MAML2: variants seen among roughly 807,000 people sequenced by gnomAD.
MAML2 encodes mastermind like transcriptional coactivator 2.
MAML2 carries 22 observed loss-of-function variants against 96.1 expected under a neutral mutation model. The ratio of observed to expected loss-of-function variants is 0.23; its 90% CI spans 0.16 to 0.33. The LOEUF (loss-of-function observed/expected upper bound fraction) is 0.33, where lower values mean the gene tolerates loss of function less well. Among genes scored for constraint, MAML2 ranks in the 10% least tolerant of loss-of-function variants. MAML2 has a pLI of 1.00. For synonymous variants in MAML2, 561 were observed against 521.3 expected, an observed-to-expected ratio of 1.08 and a Z score of -1.04; for missense variants, 1,367 against 1,392.4, an observed-to-expected ratio of 0.98 and a Z score of 0.29.
Position 96,109,117 on chromosome 11 carries a change from T to C in MAML2, c.514-15600A>G, listed in dbSNP as rs546043242. ...GAAAATCCATGCTCTCTACAAAATGTATTCAGTAGAGGAAACATCCATTTC... is the reference window on the plus strand; with the variant it reads ...GAAAATCCATGCTCTCTACAAAATGCATTCAGTAGAGGAAACATCCATTTC... On this transcript the variant is annotated intron_variant, in intron 1 of 4. Transcript: ENST00000524717. Among the ~76,000 whole-genome samples the C allele has an allele frequency of 2.1e-3, 315 of 152,246 alleles. 7 individuals carry two copies. Among genetic ancestry groups the C allele is most frequent in the South Asian group, 0.017 (82 of 4,830 alleles).
chr11:96,124,940 T>G (rs16923111), intron 1 of MAML2, among the ~76,000 whole-genome samples: 1,628 of 152,338 alleles, frequency 0.011, 38 homozygotes, highest in African/African-American at 0.037. Flanking sequence ...TTTCCTCCTG[T>G]GTCATCCACT....
At chr11:95,985,732 T>C (rs1252797840) in intron 3 of MAML2, 90 bp from the exon 4 acceptor site, 4 of 798,796 alleles carry the variant, frequency 5.0e-6, no homozygotes, top group Non-Finnish European at 8.1e-6. Context: ...TTTCAGAAAA[T>C]ATAAGAACAA....
At chr11:96,025,426 A>G (rs1364500923) in intron 2 of MAML2, among the ~76,000 whole-genome samples, 2 of 152,168 alleles carry the variant, frequency 1.3e-5, no homozygotes, top group African/African-American at 4.8e-5. Context: ...CAAGCACTGA[A>G]ACACTACCTA....
At chr11:96,090,038 G>A (rs187877651) in intron 2 of MAML2, among the ~76,000 whole-genome samples, 15 of 59,162 alleles carry the variant, frequency 2.5e-4, no homozygotes, top group Admixed American at 1.4e-3. Context: ...TCCCTCATAC[G>A]GATGAAATGA....
At chr11:96,196,624 T>C (rs1384827520) in intron 1 of MAML2, among the ~76,000 whole-genome samples, 1 of 152,246 alleles carries the variant, frequency 6.6e-6, no homozygotes, top group Non-Finnish European at 1.5e-5. Context: ...CCCCTCCCCA[T>C]GCTGGTAGCA....
At chr11:96,059,750 T>C (rs74843945) in intron 2 of MAML2, among the ~76,000 whole-genome samples, 2,039 of 152,308 alleles carry the variant, frequency 0.013, 45 homozygotes, top group African/African-American at 0.046. Context: ...TGAAGCATTT[T>C]GAATTTTGGA....
At chr11:96,248,113 C>CTT (rs35775102) in intron 1 of MAML2, among the ~76,000 whole-genome samples, 3,638 of 132,168 alleles carry the variant, frequency 0.028, 81 homozygotes, top group East Asian at 0.039. Context: ...TGTTTTTTTA[C>CTT]TTTTTTTTTT....
intron 2 of MAML2, among the ~76,000 whole-genome samples, chr11:96,049,334 T>C (rs562494911): frequency 3.9e-5 from 6 of 152,342 alleles, no homozygotes; most frequent in African/African-American, 1.4e-4. Flanking sequence ...AAGATTTCCC[T>C]TTGTCTCACA....
At chr11:96,154,348 T>C (rs1464157171) in intron 1 of MAML2, among the ~76,000 whole-genome samples, 4 of 152,186 alleles carry the variant, frequency 2.6e-5, no homozygotes, top group Non-Finnish European at 4.4e-5. Context: ...AAATCTTGGA[T>C]TGATTTGCTA....
intron 2 of MAML2, among the ~76,000 whole-genome samples, chr11:96,047,931 A>AAAAG (rs1348787875): frequency 9.3e-5 from 7 of 75,554 alleles, no homozygotes; most frequent in South Asian, 5.8e-4. Context: ...AAAAAAAAAA[A>AAAAG]AAAGAAAAAA....
In MAML2 at chr11:96,341,855, A is replaced by T. The variant is rs977758093; in HGVS notation, c.41T>A (p.Leu14Gln). The change falls in exon 1 of 5, where the codon CTA becomes CAA. Residue 14 changes from leucine to glutamine, a missense_variant. Leu to Gln is a moderately radical substitution (Grantham distance 113). Coordinates refer to ENST00000524717, the MANE Select transcript of MAML2 (RefSeq NM_032427.4). The part of the protein sequence containing the change: ...TAPPQAPAGG[L>Q]GGASGAGLLG... ...GAGCCCCGCCCCAGAGGCCCCCCCT[A>T]GCCCTCCTGCGGGGGCCTGCGGGGG... 1.9e-6 allele frequency: 3 copies of T among 1,557,206 alleles called. No individual in the cohort carries two copies. The African/African-American group carries it at 4.1e-5, about 21-fold the overall frequency.
chr11:96,235,422 T>C (rs1862354416), intron 1 of MAML2, among the ~76,000 whole-genome samples: 2 of 152,254 alleles, frequency 1.3e-5, no homozygotes, highest in South Asian at 4.1e-4. Context: ...TGGCTCTTAA[T>C]AGAACAAGTT....
intron 1 of MAML2, among the ~76,000 whole-genome samples, chr11:96,118,160 TA>T (rs1486223154): frequency 2.0e-5 from 3 of 152,176 alleles, no homozygotes; most frequent in South Asian, 2.1e-4. Context: ...CAGTGAGTGA[TA>T]GGGGCTCTAG....
chr11:96,002,284 G>A (rs1484712902), intron 2 of MAML2, among the ~76,000 whole-genome samples: 2 of 152,130 alleles, frequency 1.3e-5, no homozygotes, highest in Admixed American at 6.6e-5. Context: ...GCAATGTGAA[G>A]GAAAAAATGA....
At chr11:96,158,270 G>T (rs777543936) in intron 1 of MAML2, among the ~76,000 whole-genome samples, 2 of 152,150 alleles carry the variant, frequency 1.3e-5, no homozygotes, top group Non-Finnish European at 2.9e-5. Flanking sequence ...GACACGTGTT[G>T]GTTTCCCTAA....
At chr11:96,031,035 C>A (rs1190736802) in intron 2 of MAML2, among the ~76,000 whole-genome samples, 1 of 152,144 alleles carries the variant, frequency 6.6e-6, no homozygotes, top group African/African-American at 2.4e-5. Context: ...GGTTAGGAGT[C>A]ACCCAAACCT....
rs546023880 is a variant in MAML2, at chr11:96,263,439, A to G, written c.513+77944T>C. Among the ~76,000 whole-genome samples the G allele has an allele frequency of 4.8e-4, 73 of 152,354 alleles. 1 individual carries two copies. Among genetic ancestry groups the G allele is most frequent in the Non-Finnish European group, 7.9e-4 (54 of 68,032 alleles). ...TTAGTCATTGTTATTTCACAATAAT[A>G]TGTTCAGCATTTCTAAAGTGTTTCT... On this transcript the variant is annotated intron_variant, in intron 1 of 4. Coordinates refer to ENST00000524717, the MANE Select transcript of MAML2 (RefSeq NM_032427.4).
At chr11:96,173,574 A>G (rs1388298120) in intron 1 of MAML2, among the ~76,000 whole-genome samples, 1 of 152,240 alleles carries the variant, frequency 6.6e-6, no homozygotes, top group Non-Finnish European at 1.5e-5. Context: ...AGGAGGGTAC[A>G]GGAAGAAGTA....
intron 1 of MAML2, among the ~76,000 whole-genome samples, chr11:96,131,371 C>T (rs1860546342): frequency 6.6e-6 from 1 of 152,116 alleles, no homozygotes; most frequent in African/African-American, 2.4e-5. Flanking sequence ...CACAGAACAA[C>T]TAGACATAAG....
Sources: gnomAD v4.1 joint callset for allele counts (sites outside exome capture counted in the v4.1 genomes callset) on GRCh38, gnomAD v4.1.1 for gene constraint, MANE v1.5 for transcripts, NCBI Gene and HGNC (gene_info 2026-07-23, HGNC 2026-07-21) for gene names.